TEX11: variants seen among roughly 807,000 people sequenced by gnomAD.
The protein encoded by TEX11 is testis expressed 11.
A neutral mutation model predicts 84.4 loss-of-function variants in TEX11; 7 were observed. The observed-to-expected ratio is 0.08, with a 90% CI of 0.05 to 0.16. TEX11 has a LOEUF of 0.16. Among genes scored for constraint, TEX11 ranks in the 10% least tolerant of loss-of-function variants. The probability of loss-of-function intolerance (pLI) is 1.00; values close to 1 mark genes in which losing one functional copy is unlikely to be tolerated. For missense variants in TEX11, 551 were observed against 660.5 expected, an observed-to-expected ratio of 0.83 and a Z score of 1.82; for synonymous variants, 264 against 222.8, an observed-to-expected ratio of 1.18 and a Z score of -1.64.
chrX:70,518,783 G>A, the TEX11 span, among the ~76,000 whole-genome samples: 3 of 111,203 alleles, frequency 2.7e-5, no homozygotes, highest in Admixed American at 9.6e-5. Flanking sequence ...CTAAGGACTT[G>A]CTTTATGAAT....
chrX:70,531,663 G>A (rs1162926894), intron 28 of TEX11, among the ~76,000 whole-genome samples: 1 of 111,303 alleles, frequency 9.0e-6, no homozygotes, highest in Non-Finnish European at 1.9e-5. Context: ...GGAGGTATGG[G>A]GAAGGACTGC....
At chrX:70,815,850 TG>T (rs2091283409) in intron 8 of TEX11, among the ~76,000 whole-genome samples, 1 of 112,307 alleles carries the variant, frequency 8.9e-6, no homozygotes, top group Admixed American at 9.5e-5. Flanking sequence ...GTATGTTTTT[TG>T]GTTTTGATTT....
chrX:70,600,530 A>G (rs1281428609), intron 24 of TEX11, among the ~76,000 whole-genome samples: 1 of 110,693 alleles, frequency 9.0e-6, no homozygotes, highest in African/African-American at 3.3e-5. Flanking sequence ...ATAGACATCT[A>G]CAGAACTCTC....
At chrX:70,716,874 C>G (rs771407723) in intron 13 of TEX11, among the ~76,000 whole-genome samples, 1 of 112,410 alleles carries the variant, frequency 8.9e-6, no homozygotes, top group East Asian at 2.8e-4. Flanking sequence ...GCGTCGCTCA[C>G]GCTGGGAGCT....
chrX:70,845,197 T>G (rs1378177342), intron 7 of TEX11, among the ~76,000 whole-genome samples: 1 of 110,989 alleles, frequency 9.0e-6, no homozygotes, highest in Non-Finnish European at 1.9e-5. Flanking sequence ...GGAATCTCAC[T>G]GTCACCCAGG....
chrX:70,610,633 T>C (rs2147529648), intron 20 of TEX11, 90 bp from the exon 21 acceptor site: 1 of 955,227 alleles, frequency 1.0e-6, no homozygotes, highest in Non-Finnish European at 1.4e-6. Flanking sequence ...GCCTGAGAAT[T>C]GAACTAAGAA....
chrX:70,639,618 C>G (rs910680892), intron 17 of TEX11, among the ~76,000 whole-genome samples: 5 of 111,632 alleles, frequency 4.5e-5, no homozygotes, highest in Non-Finnish European at 7.5e-5. Context: ...ACCCCTGACC[C>G]CCAAGCAGCC....
intron 9 of TEX11, among the ~76,000 whole-genome samples, chrX:70,788,963 TATATATATATAGAGAG>T (rs1304177922): frequency 3.0e-3 from 131 of 43,747 alleles, no homozygotes; most frequent in African/African-American, 0.01. Context: ...TATATATATA[TATATATATATAGAGAG>T]AGAGAGAGAG....
At chrX:70,750,966 A>ATATATATATATATATATAT (rs1411833714) in intron 9 of TEX11, among the ~76,000 whole-genome samples, 31 of 84,427 alleles carry the variant, frequency 3.7e-4, no homozygotes, top group Non-Finnish European at 5.3e-4. Context: ...ATATATATAT[A>ATATATATATATATATATAT]AAAGTCAGGA....
At chrX:70,563,649 G>T (rs762760491) in intron 25 of TEX11, among the ~76,000 whole-genome samples, 20 of 107,038 alleles carry the variant, frequency 1.9e-4, no homozygotes, top group South Asian at 7.5e-4. Flanking sequence ...TACAAAATAA[G>T]GAGTAGTTTG....
chrX:70,543,042 T>C (rs1248810588), intron 28 of TEX11, among the ~76,000 whole-genome samples: 2 of 108,543 alleles, frequency 1.8e-5, no homozygotes, highest in Non-Finnish European at 3.8e-5. Context: ...ATTAGCCGGG[T>C]GTGGTGGCGG....
intron 28 of TEX11, among the ~76,000 whole-genome samples, chrX:70,543,914 C>G (rs936523405): frequency 4.5e-5 from 5 of 112,357 alleles, no homozygotes; most frequent in Non-Finnish European, 7.5e-5. Context: ...AGGCTACAAA[C>G]CCATACAGCA....
At chrX:70,549,365 C>T (rs1265062548) in intron 28 of TEX11, among the ~76,000 whole-genome samples, 1 of 110,875 alleles carries the variant, frequency 9.0e-6, no homozygotes, top group East Asian at 2.8e-4. Flanking sequence ...AGGAGAGACT[C>T]CTTCTGCTTG....
chrX:70,615,556 CA>C (rs1365179404), intron 20 of TEX11, among the ~76,000 whole-genome samples: 1 of 111,338 alleles, frequency 9.0e-6, no homozygotes, highest in Non-Finnish European at 1.9e-5. Context: ...TTTAAAAGAG[CA>C]AATGTAAGAG....
At position 70,750,933 on chromosome X, in the gene TEX11, A is replaced by AAATATATATAT. The variant is rs1390175136; in HGVS notation, c.693-6715_693-6714insATATATATATT. Among the ~76,000 whole-genome samples, 242 of 28,146 alleles carry AAATATATATAT rather than the reference A, an allele frequency of 8.6e-3. 1 individual carries two copies. Among genetic ancestry groups the AAATATATATAT allele is most frequent in the Non-Finnish European group, 0.014 (206 of 14,307 alleles). The allele number at this position is 28,146 out of a possible 115,157, so 24.4% of individuals were successfully genotyped here. A position where few individuals can be genotyped will look rare whatever the true frequency, so the allele number is the denominator to read the frequency against. ...ACTTAAAGTATAATAAAAAAAAAAA[A>AAATATATATAT]ATATATATATATATATATATATATA... On this transcript the variant is annotated intron_variant, in intron 9 of 29. Transcript: ENST00000374333.
chrX:70,782,418 C>G (rs923776393), intron 9 of TEX11, among the ~76,000 whole-genome samples: 1 of 110,131 alleles, frequency 9.1e-6, no homozygotes, highest in African/African-American at 3.3e-5. Flanking sequence ...AATTAACGGG[C>G]AAACTAACCA....
chrX:70,645,312 C>T (rs1221314962), intron 17 of TEX11, among the ~76,000 whole-genome samples: 3 of 110,104 alleles, frequency 2.7e-5, no homozygotes, highest in African/African-American at 9.9e-5. Flanking sequence ...ACAATAAAGG[C>T]CATATATGAC....
At chrX:70,735,183 G>C (rs1015591524) in intron 11 of TEX11, among the ~76,000 whole-genome samples, 1 of 110,708 alleles carries the variant, frequency 9.0e-6, no homozygotes, top group Non-Finnish European at 1.9e-5. Context: ...TTCCCAAATA[G>C]CTGGGATTAC....
intron 7 of TEX11, among the ~76,000 whole-genome samples, chrX:70,840,600 T>C (rs1201303412): frequency 9.0e-6 from 1 of 111,422 alleles, no homozygotes; most frequent in African/African-American, 3.3e-5. Context: ...GCTAACATCA[T>C]AATGACAGGA....
Sources: gnomAD v4.1 joint callset for allele counts (sites outside exome capture counted in the v4.1 genomes callset) on GRCh38, gnomAD v4.1.1 for gene constraint, MANE v1.5 for transcripts, NCBI Gene and HGNC (gene_info 2026-07-23, HGNC 2026-07-21) for gene names.